The following CDH23 variants were observed in gnomAD, a reference collection of about 807,000 sequenced individuals.
CDH23 encodes cadherin related 23.
Under a neutral mutation model 317.1 loss-of-function variants are expected in CDH23, and 189 were observed. The ratio of observed to expected loss-of-function variants is 0.60; its 90% CI spans 0.53 to 0.67. The LOEUF (loss-of-function observed/expected upper bound fraction) is 0.67, where lower values mean the gene tolerates loss of function less well. Ranked by LOEUF, CDH23 falls within the 30% of genes least tolerant of loss-of-function variation. The pLI, the probability that CDH23 is intolerant of heterozygous loss-of-function variation, is 0.00. For synonymous variants in CDH23, 1,839 were observed against 1,876.8 expected (o/e 0.98, Z 0.52); for missense variants, 4,401 against 4,592.4 (o/e 0.96, Z 1.20).
chr10:71,755,634 C>G (rs1840122556), intron 38 of CDH23, among the ~76,000 whole-genome samples: 1 of 152,124 alleles, frequency 6.6e-6, no homozygotes, highest in Admixed American at 6.6e-5. Flanking sequence ...TAAGGCGGTT[C>G]TCCTTTCAAA....
intron 44 of CDH23, among the ~76,000 whole-genome samples, chr10:71,786,704 G>A (rs990809888): frequency 1.3e-5 from 2 of 151,936 alleles, no homozygotes; most frequent in Non-Finnish European, 2.9e-5. Context: ...CACCATGTTG[G>A]CGAGGCTTGT....
At chr10:71,787,482 C>G (rs1044121144) in intron 44 of CDH23, among the ~76,000 whole-genome samples, 2 of 152,122 alleles carry the variant, frequency 1.3e-5, no homozygotes, top group Admixed American at 1.3e-4. Flanking sequence ...CTCACTGCCA[C>G]TCACTGAACA....
At chr10:71,693,958 A>G (rs994731137) in intron 20 of CDH23, among the ~76,000 whole-genome samples, 189 bp from the exon 21 acceptor site, 1 of 152,100 alleles carries the variant, frequency 6.6e-6, no homozygotes, top group Non-Finnish European at 1.5e-5. Context: ...CCCAAGGCAC[A>G]GGAGCTCTCC....
chr10:71,489,594 G>GGTGTGT (rs34392048), intron 3 of CDH23, among the ~76,000 whole-genome samples: 5,569 of 139,788 alleles, frequency 0.04, 98 homozygotes, highest in Middle Eastern at 0.055. Flanking sequence ...AGTGCCTCGG[G>GGTGTGT]GTGTGTGTGT....
At chr10:71,706,557 G>A (rs1316305973) in intron 25 of CDH23, among the ~76,000 whole-genome samples, 4 of 152,238 alleles carry the variant, frequency 2.6e-5, no homozygotes, top group Non-Finnish European at 5.9e-5. Flanking sequence ...TGTCGTCATC[G>A]TTGTCATGAT....
chr10:71,523,866 C>T (rs1277037553), intron 6 of CDH23, among the ~76,000 whole-genome samples: 1 of 152,216 alleles, frequency 6.6e-6, no homozygotes, highest in East Asian at 1.9e-4. Context: ...CCTCTCCAGC[C>T]TCCCCTTAAA....
At chr10:71,783,248 C>T (rs1841004791) in intron 41 of CDH23, among the ~76,000 whole-genome samples, 1 of 152,176 alleles carries the variant, frequency 6.6e-6, no homozygotes, top group Non-Finnish European at 1.5e-5. Flanking sequence ...AGCCACAGCC[C>T]CCACCATTCT....
rs755511500 is a variant in CDH23, at chr10:71,707,004, GACA to G, written c.3064_3066del (p.Asn1022del). 6.2e-7 allele frequency: 1 copy of G among 1,607,778 alleles called. No homozygotes were observed. Reference sequence around the variant, plus strand: ...CCGGGTGGTCTGGCTGAACTGCACGGACAACGACGTGGGCCTCAATGCAGAGCT... The same window carrying G: ...CCGGGTGGTCTGGCTGAACTGCACGGACGACGTGGGCCTCAATGCAGAGCT... On this transcript the variant is annotated inframe_deletion, in exon 26 of 70. Coordinates refer to ENST00000224721, the MANE Select transcript of CDH23 (RefSeq NM_022124.6).
intron 11 of CDH23, chr10:71,622,976 CTT>C: frequency 2.0e-6 from 2 of 984,834 alleles, no homozygotes; most frequent in Non-Finnish European, 2.4e-6. Flanking sequence ...TATGCTGAAA[CTT>C]ACGCAGGTTG....
chr10:71,772,789 C>T (rs1456103845), intron 38 of CDH23, among the ~76,000 whole-genome samples: 1 of 152,192 alleles, frequency 6.6e-6, no homozygotes, highest in Non-Finnish European at 1.5e-5. Flanking sequence ...CCATCAGACC[C>T]TTAGAATAGG....
chr10:71,596,866 G>T (rs572765994), intron 9 of CDH23, among the ~76,000 whole-genome samples: 2 of 152,040 alleles, frequency 1.3e-5, no homozygotes, highest in East Asian at 1.9e-4. Flanking sequence ...TGCCCAGCCC[G>T]CCCCAGGGCC....
intron 1 of CDH23, among the ~76,000 whole-genome samples, chr10:71,438,235 CG>C (rs35180841): frequency 0.71 from 106,152 of 149,450 alleles, 38,435 homozygotes; most frequent in Non-Finnish European, 0.78. Flanking sequence ...CCCAGCTACT[CG>C]GGGGGGCTGA....
Position 71,511,670 on chromosome 10 carries a change from A to G in CDH23, c.429+458A>G, listed in dbSNP as rs77775365. On this transcript the variant is annotated intron_variant, in intron 6 of 69. Transcript: ENST00000224721. Reference sequence around the variant, plus strand: ...TTTCCCTAGCCCCGCGCTCTCCACCATGGTCTCCCAGGCCCCTGTACTGTG... The same window carrying G: ...TTTCCCTAGCCCCGCGCTCTCCACCGTGGTCTCCCAGGCCCCTGTACTGTG... The G allele has an allele frequency of 7.9e-3, 2,048 of 257,774 alleles. 87 individuals carry two copies. In the East Asian group the frequency reaches 0.13, roughly 17 times the overall value. The allele number at this position is 257,774 out of a possible 1,614,324, so 16.0% of individuals were successfully genotyped here.
At chr10:71,527,548 T>C (rs910280707) in intron 6 of CDH23, among the ~76,000 whole-genome samples, 2 of 152,174 alleles carry the variant, frequency 1.3e-5, no homozygotes, top group African/African-American at 4.8e-5. Context: ...CGTGCACAGT[T>C]CATGGCCTGG....
chr10:71,604,569 G>T (rs2132484950), intron 9 of CDH23, among the ~76,000 whole-genome samples: 1 of 152,298 alleles, frequency 6.6e-6, no homozygotes, highest in Middle Eastern at 3.4e-3. Flanking sequence ...CCTCCTCTGG[G>T]CATCAGCCTC....
chr10:71,660,938 C>A (rs1211359022), intron 14 of CDH23, among the ~76,000 whole-genome samples: 1 of 152,204 alleles, frequency 6.6e-6, no homozygotes, highest in Non-Finnish European at 1.5e-5. Flanking sequence ...TGGTGCCAAG[C>A]TGCGCTCCTG....
chr10:71,604,154 T>A (rs934861126), intron 9 of CDH23, among the ~76,000 whole-genome samples: 2 of 152,170 alleles, frequency 1.3e-5, no homozygotes, highest in Non-Finnish European at 2.9e-5. Flanking sequence ...TGGTGGCTCA[T>A]GCCTGTAATC....
At chr10:71,785,554 G>T in intron 43 of CDH23, 77 bp from the exon 44 acceptor site, 2 of 957,272 alleles carry the variant, frequency 2.1e-6, no homozygotes. Context: ...AGGCCAAGCA[G>T]AGCAGTTGGC....
intron 19 of CDH23, among the ~76,000 whole-genome samples, chr10:71,689,534 T>C (rs1295171998): frequency 6.6e-6 from 1 of 152,150 alleles, no homozygotes; most frequent in Non-Finnish European, 1.5e-5. Context: ...AGGGTCATAT[T>C]TGAGGCCCCA....
Sources: gnomAD v4.1 joint callset for allele counts (sites outside exome capture counted in the v4.1 genomes callset) on GRCh38, gnomAD v4.1.1 for gene constraint, MANE v1.5 for transcripts, NCBI Gene and HGNC (gene_info 2026-07-23, HGNC 2026-07-21) for gene names.